The following TMEM8B variants were observed in gnomAD, a reference collection of about 807,000 sequenced individuals.
The protein encoded by TMEM8B is nasopharyngeal carcinoma expressed 6.
A neutral mutation model predicts 49.3 loss-of-function variants in TMEM8B; 29 were observed. That is an observed-to-expected ratio of 0.59 (90% confidence interval 0.44 to 0.80). TMEM8B has a LOEUF of 0.80. TMEM8B is among the 30% of genes least tolerant of loss of function. The probability of loss-of-function intolerance (pLI) is 0.00; values close to 1 mark genes in which losing one functional copy is unlikely to be tolerated. For synonymous variants in TMEM8B, 264 were observed against 272.8 expected (o/e 0.97, Z 0.32); for missense variants, 575 against 658.5 (o/e 0.87, Z 1.39).
At chr9:35,833,533 C>G (rs1369948963) in intron 1 of TMEM8B, among the ~76,000 whole-genome samples, 2 of 152,202 alleles carry the variant, frequency 1.3e-5, no homozygotes, top group Admixed American at 6.5e-5. Flanking sequence ...CACCTTGGCT[C>G]TGCTCCTGAC....
In TMEM8B at chr9:35,833,590, C is replaced by T. The variant is rs970565217; in HGVS notation, c.509-871C>T. On this transcript the variant is annotated intron_variant, in intron 1 of 12. Coordinates refer to ENST00000643932, the MANE Select transcript of TMEM8B (RefSeq NM_001042590.4). ...CATTTTAATGAGGGATGACCACTTC[C>T]TCCCCACCTCCCAACTCGGCCTGCT... Among the ~76,000 whole-genome samples, 4 of 152,316 alleles carry T rather than the reference C, an allele frequency of 2.6e-5. No homozygotes were observed. In the East Asian group the frequency reaches 7.7e-4, roughly 29 times the overall value.
chr9:35,834,652 TG>T lies in TMEM8B; in HGVS notation c.698+3del. 2.4e-6 allele frequency: 1 copy of T among 415,752 alleles called. No individual in the cohort carries two copies. The highest frequency in any genetic ancestry group is 4.4e-6 in the Non-Finnish European group (1 of 226,382). 25.8% of individuals were successfully genotyped at this position (415,752 alleles called of 1,614,324 possible). A position where few individuals can be genotyped will look rare whatever the true frequency, so the allele number is the denominator to read the frequency against. ...CTGCCCAGACCAAAGTGTGACTGTG[TG>T]AGTGTCTGAGTTAATTTCCCAACCC... On this transcript the variant is annotated splice_donor_region_variant and intron_variant, in intron 2 of 12. Coordinates refer to ENST00000643932, the MANE Select transcript of TMEM8B (RefSeq NM_001042590.4).
rs1365750583 is a variant in TMEM8B, at chr9:35,858,332, C to T, written c.*4492C>T. The T allele has an allele frequency of 1.3e-5, 2 of 152,034 alleles. No homozygotes were observed. Among genetic ancestry groups the T allele is most frequent in the Non-Finnish European group, 2.9e-5 (2 of 68,008 alleles). 9.4% of individuals were successfully genotyped at this position (152,034 alleles called of 1,614,324 possible). A position where few individuals can be genotyped will look rare whatever the true frequency, so the allele number is the denominator to read the frequency against. ...TCTCGAACTCCTGGCCTCAGGTGAT[C>T]CTCCCACCTCGGTCTCCCAAAGTGC... On this transcript the variant is annotated 3_prime_UTR_variant, in exon 13 of 13. Transcript: ENST00000643932.
At position 35,858,622 on chromosome 9, in the gene TMEM8B, C is replaced by T. The variant is rs1308438563; in HGVS notation, c.*4782C>T. The T allele has an allele frequency of 6.6e-6, 1 of 152,260 alleles. No homozygotes were observed. Among genetic ancestry groups the T allele is most frequent in the Non-Finnish European group, 1.5e-5 (1 of 68,078 alleles). The allele number at this position is 152,260 out of a possible 1,614,324, so 9.4% of individuals were successfully genotyped here. ...GTCAGCTGGTGTGGTAGTCATTAGG[C>T]CATTCACAAATCTCTCTGTCCCTCT... On this transcript the variant is annotated 3_prime_UTR_variant, in exon 13 of 13. Coordinates refer to ENST00000643932, the MANE Select transcript of TMEM8B (RefSeq NM_001042590.4).
Position 35,853,081 on chromosome 9 carries a change from A to G in TMEM8B, c.2323-60A>G, listed in dbSNP as rs1305993539. 4.4e-5 allele frequency: 70 copies of G among 1,608,084 alleles called. No homozygotes were observed. Among genetic ancestry groups the G allele is most frequent in the Non-Finnish European group, 5.3e-5 (62 of 1,175,174 alleles). On this transcript the variant is annotated intron_variant, in intron 11 of 12. Transcript: ENST00000643932. This position sits in a 1 kb window ranked among gnomAD's most constrained non-coding sequence, Gnocchi z 4.2. The stretch of plus-strand genomic sequence containing the variant: ...CAAGTGCCTCTCATGATTCTGACCC[A>G]GGCCCTGGAGTGCTGTCTGTCACCT...
rs1389806097 is a variant in TMEM8B at position 35,857,236 on chromosome 9, G to C, written c.*3396G>C. 1 of 152,282 alleles carries C rather than the reference G, an allele frequency of 6.6e-6. No homozygotes were observed. Among genetic ancestry groups the C allele is most frequent in the Admixed American group, 6.5e-5 (1 of 15,292 alleles). The allele number at this position is 152,282 out of a possible 1,614,324, so 9.4% of individuals were successfully genotyped here. On this transcript the variant is annotated 3_prime_UTR_variant, in exon 13 of 13. Transcript: ENST00000643932. ...TAGGGAACATGCTGTGGGAGCTACA[G>C]AGATGAGCCAGACCCGACTGAATCC...
chr9:35,852,746 A>G lies in TMEM8B; in HGVS notation c.2176-81A>G, dbSNP rs578122200. On this transcript the variant is annotated intron_variant, in intron 10 of 12. Coordinates refer to ENST00000643932, the MANE Select transcript of TMEM8B (RefSeq NM_001042590.4). ...TCTGCTGCACTGACAGCAGCACACC[A>G]CCCCTGGGCCCACCCCTCCGGTTTT... 4.5e-6 allele frequency: 7 copies of G among 1,552,526 alleles called. No homozygotes were observed. In the South Asian group the frequency reaches 5.8e-5, roughly 13 times the overall value.
chr9:35,845,521 G>C, intron 6 of TMEM8B: 3 of 985,420 alleles, frequency 3.0e-6, no homozygotes, highest in Non-Finnish European at 3.6e-6. Flanking sequence ...TCAGTACCTA[G>C]GATCATTTCA....
intron 3 of TMEM8B, chr9:35,835,470 G>C (rs1473019414): frequency 2.8e-6 from 1 of 357,484 alleles, no homozygotes; most frequent in Admixed American, 4.7e-5. Context: ...TGAGAATCTG[G>C]AGTCAGAGGC....
At chr9:35,839,762 AG>A (rs769631004) in intron 3 of TMEM8B, among the ~76,000 whole-genome samples, 5 of 151,940 alleles carry the variant, frequency 3.3e-5, no homozygotes, top group Non-Finnish European at 5.9e-5. Context: ...GACTTATGAG[AG>A]TCTTTTGGTT....
chr9:35,833,221 G>T, intron 1 of TMEM8B: 1 of 630,548 alleles, frequency 1.6e-6, no homozygotes, highest in Non-Finnish European at 2.0e-6. Flanking sequence ...GATTGGACTA[G>T]GTTAGCCCTG....
chr9:35,845,316 GTT>G (rs1831414070), intron 6 of TMEM8B: 1 of 848,908 alleles, frequency 1.2e-6, no homozygotes, highest in Admixed American at 6.2e-5. Context: ...TGATTTTTAA[GTT>G]TCCCTCAGGC....
intron 1 of TMEM8B, among the ~76,000 whole-genome samples, chr9:35,832,328 G>A (rs1379543473): frequency 6.6e-6 from 1 of 152,102 alleles, no homozygotes; most frequent in African/African-American, 2.4e-5. Flanking sequence ...TCTGGACACA[G>A]CTCTGGTAGG....
At chr9:35,852,766 G>A (rs1466419880) in intron 10 of TMEM8B, 61 bp from the exon 11 acceptor site, 12 of 1,605,700 alleles carry the variant, frequency 7.5e-6, no homozygotes, top group South Asian at 3.3e-5. Flanking sequence ...CCACCCCTCC[G>A]GTTTTGTAGA....
chr9:35,841,053 C>T lies in TMEM8B; in HGVS notation c.907-81C>T, dbSNP rs1055649268. On this transcript the variant is annotated intron_variant, in intron 3 of 12. Coordinates refer to ENST00000643932, the MANE Select transcript of TMEM8B (RefSeq NM_001042590.4). This position sits in a 1 kb window ranked among gnomAD's most constrained non-coding sequence, Gnocchi z 5.9. ...CCGGGGCGGGGGTTTCTCCCCAGCCCGCCCAGCAGGTTCTGTTTGCCTTGG... is the reference window on the plus strand; with the variant it reads ...CCGGGGCGGGGGTTTCTCCCCAGCCTGCCCAGCAGGTTCTGTTTGCCTTGG... 7 of 412,768 alleles carry T rather than the reference C, an allele frequency of 1.7e-5. No individual in the cohort carries two copies. The highest frequency in any genetic ancestry group is 5.9e-4 in the Middle Eastern group (1 of 1,708). 25.6% of individuals were successfully genotyped at this position (412,768 alleles called of 1,614,324 possible).
chr9:35,864,593 A>G lies in TMEM8B; in HGVS notation c.*10753A>G, dbSNP rs1217184495. ...GTGGGCTTGTTTTAAGGATCCAGTG[A>G]CAGGAAGCATGCGAAGCTCTTAGAA... On this transcript the variant is annotated 3_prime_UTR_variant, in exon 13 of 13. Coordinates refer to ENST00000643932, the MANE Select transcript of TMEM8B (RefSeq NM_001042590.4). 6.6e-6 allele frequency: 1 copy of G among 152,242 alleles called. No homozygotes were observed. The highest frequency in any genetic ancestry group is 1.5e-5 in the Non-Finnish European group (1 of 68,052). The allele number at this position is 152,242 out of a possible 1,614,324, so 9.4% of individuals were successfully genotyped here.
Position 35,859,885 on chromosome 9 carries a change from C to G in TMEM8B, c.*6045C>G, listed in dbSNP as rs1832619895. On this transcript the variant is annotated 3_prime_UTR_variant, in exon 13 of 13. Coordinates refer to ENST00000643932, the MANE Select transcript of TMEM8B (RefSeq NM_001042590.4). ...CCAACACATTCACGGAGTAGATGCC[C>G]AGGCAGAACACAAACAGGACCACCT... 6.5e-6 allele frequency: 1 copy of G among 153,308 alleles called. No individual in the cohort carries two copies. The highest frequency in any genetic ancestry group is 2.4e-5 in the African/African-American group (1 of 41,436). 9.5% of individuals were successfully genotyped at this position (153,308 alleles called of 1,614,324 possible). A position where few individuals can be genotyped will look rare whatever the true frequency, so the allele number is the denominator to read the frequency against.
At chr9:35,846,229 TCTCA>T in intron 7 of TMEM8B, 25 bp from the exon 8 acceptor site, 6 of 1,613,432 alleles carry the variant, frequency 3.7e-6, no homozygotes, top group Non-Finnish European at 5.1e-6. Flanking sequence ...CCCTCCTCCC[TCTCA>T]CTGACTCCTT....
Position 35,854,803 on chromosome 9 carries a change from G to T in TMEM8B, c.*963G>T, listed in dbSNP as rs1396111849. 5 of 152,216 alleles carry T rather than the reference G, an allele frequency of 3.3e-5. No homozygotes were observed. The allele number at this position is 152,216 out of a possible 1,614,324, so 9.4% of individuals were successfully genotyped here. ...GGAATAGCAGGTACACGTCTCAGGTGTGCAAGAAATATCACAAGAATGTAA... is the reference window on the plus strand; with the variant it reads ...GGAATAGCAGGTACACGTCTCAGGTTTGCAAGAAATATCACAAGAATGTAA... On this transcript the variant is annotated 3_prime_UTR_variant, in exon 13 of 13. Coordinates refer to ENST00000643932, the MANE Select transcript of TMEM8B (RefSeq NM_001042590.4).
Sources: allele counts gnomAD v4.1 joint callset (sites outside exome capture counted in the v4.1 genomes callset), GRCh38; gene constraint gnomAD v4.1.1; non-coding constraint Gnocchi (gnomAD v3.1); transcripts MANE v1.5; gene names NCBI Gene and HGNC (gene_info 2026-07-23, HGNC 2026-07-21).